The following GALNT15 variants were observed in gnomAD, a reference collection of about 807,000 sequenced individuals.
GALNT15 encodes UDP-GalNAc transferase T15.
Under a neutral mutation model 66.8 loss-of-function variants are expected in GALNT15, and 67 were observed. That is an observed-to-expected ratio of 1.00 (90% CI 0.82 to 1.23). The LOEUF is 1.23. Among genes scored for constraint, GALNT15 ranks in the 50% most tolerant of loss-of-function variants. GALNT15 has a pLI of 0.00. For missense variants in GALNT15, 827 were observed against 804.3 expected (o/e 1.03, Z -0.34); for synonymous variants, 313 against 311.5 (o/e 1.00, Z -0.05).
downstream of GALNT15, among the ~76,000 whole-genome samples, chr3:16,236,202 T>G (rs1317898592): frequency 2.0e-5 from 3 of 148,408 alleles, no homozygotes; most frequent in African/African-American, 7.4e-5. Flanking sequence ...TTAATACAGA[T>G]TGTTGCCACA....
chr3:16,208,589 T>G lies in GALNT15; in HGVS notation c.998T>G (p.Leu333Trp). 6.2e-7 allele frequency: 1 copy of G among 1,614,154 alleles called. No individual in the cohort carries two copies. Among genetic ancestry groups the G allele is most frequent in the Non-Finnish European group, 8.5e-7 (1 of 1,180,022 alleles). The stretch of plus-strand genomic sequence containing the variant: ...TCAAAGGACCTGCAGCGTGGGGTGT[T>G]GGACTGGAAGCTGGATTTCCACTGG... ...YPSKDLQRGV[L>W]DWKLDFHWEP... The change falls in exon 4 of 10, where the codon TTG (leucine) becomes TGG (tryptophan). Residue 333 changes from leucine (L) to tryptophan (W), a missense_variant. By Grantham distance (61) the Leu-to-Trp change is moderately conservative (BLOSUM62 -2). Coordinates refer to ENST00000339732, the MANE Select transcript of GALNT15 (RefSeq NM_054110.5).
chr3:16,228,318 C>T lies in GALNT15; in HGVS notation c.*818C>T, dbSNP rs555010357. On this transcript the variant is annotated 3_prime_UTR_variant, in exon 10 of 10. Transcript: ENST00000339732. ...GTTAGAAGTACCAGCACAATTTGAGCATTCCCATTAACAAAGGTGTTCACA... is the reference window on the plus strand; with the variant it reads ...GTTAGAAGTACCAGCACAATTTGAGTATTCCCATTAACAAAGGTGTTCACA... The T allele has an allele frequency of 9.5e-5, 94 of 985,824 alleles. No individual in the cohort carries two copies. In the African/African-American group the frequency reaches 1.6e-3, roughly 17 times the overall value. 61.1% of individuals were successfully genotyped at this position (985,824 alleles called of 1,614,324 possible). A position where few individuals can be genotyped will look rare whatever the true frequency, so the allele number is the denominator to read the frequency against.
At chr3:16,216,530 GAAAGTAAGT>G in intron 6 of GALNT15, among the ~76,000 whole-genome samples, 1 of 151,656 alleles carries the variant, frequency 6.6e-6, no homozygotes, top group East Asian at 1.9e-4. Flanking sequence ...GGGCAGAAAT[GAAAGTAAGT>G]AAAGTACATT....
chr3:16,222,365 C>A (rs2292167), intron 8 of GALNT15, among the ~76,000 whole-genome samples: 105,501 of 152,084 alleles, frequency 0.69, 37,167 homozygotes, highest in East Asian at 0.79. Flanking sequence ...CGGTAAATAA[C>A]GTAACAGAGA....
chr3:16,202,089 G>A (rs11711765), intron 3 of GALNT15, among the ~76,000 whole-genome samples: 68,563 of 152,114 alleles, frequency 0.45, 16,188 homozygotes, highest in East Asian at 0.57. Flanking sequence ...GGACCAGATC[G>A]GAATGAATCC....
chr3:16,200,780 C>A lies in GALNT15; in HGVS notation c.868C>A (p.Pro290Thr). The A allele has an allele frequency of 6.2e-7, 1 of 1,611,130 alleles. No homozygotes were observed. The highest frequency in any genetic ancestry group is 1.1e-5 in the South Asian group (1 of 90,524). Residue 290 changes from proline (P) to threonine (T), a missense_variant, in exon 3 of 10, where the codon CCA (proline) becomes ACA (threonine). Coordinates refer to ENST00000339732, the MANE Select transcript of GALNT15 (RefSeq NM_054110.5). The surrounding 1 kb of genome is among the most constrained non-coding windows in gnomAD (Gnocchi z 4.4). ...VFMDAHCECH[P>T]GWLEPLLSRI... Reference sequence around the variant, plus strand: ...CATGGATGCCCACTGCGAGTGCCACCCAGGCTGGCTGGAGCCCCTCCTCAG... The same window carrying A: ...CATGGATGCCCACTGCGAGTGCCACACAGGCTGGCTGGAGCCCCTCCTCAG...
rs2064058140 is a variant in GALNT15, at chr3:16,229,388, C to T, written c.*1888C>T. On this transcript the variant is annotated 3_prime_UTR_variant, in exon 10 of 10. Coordinates refer to ENST00000339732, the MANE Select transcript of GALNT15 (RefSeq NM_054110.5). ...GGGCTGGCCACATTTCAAATGCTCACTACCCACCTGTGGCTAGGGTCTACT... is the reference window on the plus strand; with the variant it reads ...GGGCTGGCCACATTTCAAATGCTCATTACCCACCTGTGGCTAGGGTCTACT... 6.0e-6 allele frequency: 5 copies of T among 828,802 alleles called. No individual in the cohort carries two copies. The highest frequency in any genetic ancestry group is 7.3e-6 in the Non-Finnish European group (5 of 687,270). The allele number at this position is 828,802 out of a possible 1,614,324, so 51.3% of individuals were successfully genotyped here.
chr3:16,241,813 G>T, the GALNT15 span, among the ~76,000 whole-genome samples: 4 of 152,152 alleles, frequency 2.6e-5, no homozygotes, highest in African/African-American at 4.8e-5. This position sits in a 1 kb window ranked among gnomAD's most constrained non-coding sequence, Gnocchi z 4.6. Flanking sequence ...CTCCCAAAGT[G>T]CTGGGATTAC....
Position 16,183,477 on chromosome 3 carries a change from T to C in GALNT15, c.539+7787T>C, listed in dbSNP as rs1360020597. Among the ~76,000 whole-genome samples, 1 of 152,252 alleles carries C rather than the reference T, an allele frequency of 6.6e-6. No individual in the cohort carries two copies. Among genetic ancestry groups the C allele is most frequent in the African/African-American group, 2.4e-5 (1 of 41,468 alleles). On this transcript the variant is annotated intron_variant, in intron 1 of 9. Coordinates refer to ENST00000339732, the MANE Select transcript of GALNT15 (RefSeq NM_054110.5). The surrounding 1 kb of genome is among the most constrained non-coding windows in gnomAD (Gnocchi z 5.2). Reference sequence around the variant, plus strand: ...CTGTGGGATTACTCCCCTGTTAATCTTGACAACCAACTTACACACTTCCTG... The same window carrying C: ...CTGTGGGATTACTCCCCTGTTAATCCTGACAACCAACTTACACACTTCCTG...
chr3:16,175,424 G>T lies in GALNT15; in HGVS notation c.273G>T (p.Arg91=). The T allele has an allele frequency of 6.2e-7, 1 of 1,614,192 alleles. No individual in the cohort carries two copies. Among genetic ancestry groups the T allele is most frequent in the Non-Finnish European group, 8.5e-7 (1 of 1,180,032 alleles). The change falls in exon 1 of 10, where the codon CGG becomes CGT. Residue 91 remains arginine (R), a synonymous_variant. Transcript: ENST00000339732. This position sits in a 1 kb window ranked among gnomAD's most constrained non-coding sequence, Gnocchi z 5.6. ...GCCTGCCACCCTTTATCTCACTGCG[G>T]GAGGATCAGCTGCTGGTGGCCGTGG... ...LEGLPPFISL[R]EDQLLVAVAL...
chr3:16,223,115 C>T (rs1353091160), intron 9 of GALNT15, among the ~76,000 whole-genome samples: 1 of 152,036 alleles, frequency 6.6e-6, no homozygotes, highest in Non-Finnish European at 1.5e-5. Context: ...GTTTTAGGAG[C>T]AATTCAAAGT....
In GALNT15 at chr3:16,219,899, T is replaced by C. The variant is rs768209740; in HGVS notation, c.1525-11T>C. On this transcript the variant is annotated splice_polypyrimidine_tract_variant and intron_variant, in intron 7 of 9. Transcript: ENST00000339732. The surrounding 1 kb of genome is among the most constrained non-coding windows in gnomAD (Gnocchi z 4.3). Reference sequence around the variant, plus strand: ...TCTGGAATTCACTCCTGTGTGTGTGTCCACTTTCAGCTCCACAACACTGGA... The same window carrying C: ...TCTGGAATTCACTCCTGTGTGTGTGCCCACTTTCAGCTCCACAACACTGGA... The C allele has an allele frequency of 6.2e-6, 10 of 1,605,058 alleles. No homozygotes were observed. Among genetic ancestry groups the C allele is most frequent in the African/African-American group, 2.7e-5 (2 of 74,690 alleles).
downstream of GALNT15, chr3:16,232,077 AT>A: frequency 1.1e-6 from 1 of 919,002 alleles, no homozygotes; most frequent in South Asian, 1.9e-5. Flanking sequence ...ACCTCATTAG[AT>A]TATCCAAAAT....
In GALNT15 at chr3:16,219,277, C is replaced by G; in HGVS notation, c.1393-126C>G. On this transcript the variant is annotated intron_variant, in intron 6 of 9. Coordinates refer to ENST00000339732, the MANE Select transcript of GALNT15 (RefSeq NM_054110.5). This position sits in a 1 kb window ranked among gnomAD's most constrained non-coding sequence, Gnocchi z 4.3. Reference sequence around the variant, plus strand: ...CCCTCCCCACTGCAGCCCTGGAGAACTGTGGTCTTGGCCCCTTCCTTCTGT... The same window carrying G: ...CCCTCCCCACTGCAGCCCTGGAGAAGTGTGGTCTTGGCCCCTTCCTTCTGT... The G allele has an allele frequency of 8.4e-7, 1 of 1,196,058 alleles. No homozygotes were observed. Among genetic ancestry groups the G allele is most frequent in the Non-Finnish European group, 1.2e-6 (1 of 840,276 alleles). The allele number at this position is 1,196,058 out of a possible 1,614,324, so 74.1% of individuals were successfully genotyped here.
intron 1 of GALNT15, among the ~76,000 whole-genome samples, chr3:16,177,582 T>C (rs971185408): frequency 1.3e-5 from 2 of 152,270 alleles, no homozygotes. Context: ...TATGCACAGC[T>C]ATGCATTGTG....
chr3:16,232,517 T>TATATATATAAAA (rs1559698470), downstream of GALNT15, among the ~76,000 whole-genome samples: 1 of 70,360 alleles, frequency 1.4e-5, no homozygotes, highest in African/African-American at 6.7e-5. Flanking sequence ...TATATTTATT[T>TATATATATAAAA]AAAAGAGACA....
At chr3:16,177,896 T>C (rs1226871115) in intron 1 of GALNT15, among the ~76,000 whole-genome samples, 1 of 152,174 alleles carries the variant, frequency 6.6e-6, no homozygotes, top group Non-Finnish European at 1.5e-5. Flanking sequence ...TGCATGGATA[T>C]GTTGTATGTG....
At position 16,227,798 on chromosome 3, in the gene GALNT15, A is replaced by G. The variant is rs575767353; in HGVS notation, c.*298A>G. 5.2e-5 allele frequency: 59 copies of G among 1,139,792 alleles called. No homozygotes were observed. In the East Asian group the frequency reaches 2.8e-3, roughly 54 times the overall value. 70.6% of individuals were successfully genotyped at this position (1,139,792 alleles called of 1,614,324 possible). A position where few individuals can be genotyped will look rare whatever the true frequency, so the allele number is the denominator to read the frequency against. On this transcript the variant is annotated 3_prime_UTR_variant, in exon 10 of 10. Coordinates refer to ENST00000339732, the MANE Select transcript of GALNT15 (RefSeq NM_054110.5). This position sits in a 1 kb window ranked among gnomAD's most constrained non-coding sequence, Gnocchi z 4.5. ...TGTTTTTCTCCACTGAGCACTTAAC[A>G]ATTGCTTTCTCTCTGGCCTGGACAT...
In GALNT15 at chr3:16,191,048, T is replaced by C. The variant is rs1334080745; in HGVS notation, c.540-4712T>C. ...CCTTGTAATGGCTTTCAAGAACCCA[T>C]TTGGCCTTTCACATCTCTTAGCAGC... On this transcript the variant is annotated intron_variant, in intron 1 of 9. Transcript: ENST00000339732. This position sits in a 1 kb window ranked among gnomAD's most constrained non-coding sequence, Gnocchi z 5.2. Among the ~76,000 whole-genome samples, 3 of 152,222 alleles carry C rather than the reference T, an allele frequency of 2.0e-5. No individual in the cohort carries two copies. Among genetic ancestry groups the C allele is most frequent in the South Asian group, 2.1e-4 (1 of 4,826 alleles).
Sources: gnomAD v4.1 joint callset for allele counts (sites outside exome capture counted in the v4.1 genomes callset) on GRCh38, gnomAD v4.1.1 for gene constraint, Gnocchi (gnomAD v3.1) non-coding constraint, MANE v1.5 for transcripts, NCBI Gene and HGNC (gene_info 2026-07-23, HGNC 2026-07-21) for gene names.